Variants in GRB10 observed in about 807,000 individuals in gnomAD.
GRB10 encodes growth factor receptor-bound protein 10.
GRB10 carries 20 observed loss-of-function variants against 80.9 expected under a neutral mutation model. The ratio of observed to expected loss-of-function variants is 0.25; its 90% CI spans 0.17 to 0.36. GRB10 has a LOEUF of 0.36. Among genes scored for constraint, GRB10 ranks in the 10% least tolerant of loss-of-function variants. GRB10 has a pLI of 1.00. For synonymous variants in GRB10, 291 were observed against 291.5 expected (o/e 1.00, Z 0.02); for missense variants, 548 against 747.7 (o/e 0.73, Z 3.12).
intron 2 of GRB10, 102 bp from the exon 3 acceptor site, chr7:50,756,158 A>G (rs2075047324): frequency 2.5e-6 from 1 of 398,034 alleles, no homozygotes; most frequent in Non-Finnish European, 4.4e-6. Flanking sequence ...ACATGAAAGA[A>G]TATTTTTTTC....
intron 7 of GRB10, among the ~76,000 whole-genome samples, chr7:50,660,923 C>T (rs187472695): frequency 6.6e-6 from 1 of 152,330 alleles, no homozygotes; most frequent in East Asian, 1.9e-4. Flanking sequence ...GGGTAAACTG[C>T]AGTTAGGCTC....
intron 16 of GRB10, 70 bp downstream of exon 16, chr7:50,604,241 G>A: frequency 1.4e-6 from 2 of 1,384,752 alleles, no homozygotes; most frequent in Non-Finnish European, 2.1e-6. Flanking sequence ...GTAAGGCTGA[G>A]GGGGAGTGGA....
chr7:50,759,206 AAAAG>A (rs2075459468), intron 2 of GRB10, among the ~76,000 whole-genome samples: 1 of 151,674 alleles, frequency 6.6e-6, no homozygotes, highest in African/African-American at 2.4e-5. Flanking sequence ...AAAAAAAAAA[AAAAG>A]AAAAGAAATG....
At chr7:50,609,594 C>T (rs537001668) in intron 13 of GRB10, among the ~76,000 whole-genome samples, 1 of 152,292 alleles carries the variant, frequency 6.6e-6, no homozygotes, top group African/African-American at 2.4e-5. Flanking sequence ...GCGTTCATTG[C>T]CTTTTCAATG....
chr7:50,626,762 T>C lies in GRB10; in HGVS notation c.661+60A>G, dbSNP rs929799001. The C allele has an allele frequency of 1.6e-5, 26 of 1,592,050 alleles. No homozygotes were observed. In the South Asian group the frequency reaches 2.8e-4, roughly 17 times the overall value. ...CACATTTGGCATTTGGCAGCAGCAG[T>C]CTTCATTCAATTGCACATAAGCATC... On this transcript the variant is annotated intron_variant, in intron 8 of 18. Transcript: ENST00000401949.
intron 7 of GRB10, among the ~76,000 whole-genome samples, chr7:50,647,007 C>T (rs1476333592): frequency 6.6e-6 from 1 of 152,178 alleles, no homozygotes; most frequent in East Asian, 1.9e-4. Context: ...AAAAGTATCA[C>T]TAACTAAAAA....
intron 7 of GRB10, among the ~76,000 whole-genome samples, 150 bp downstream of exon 7, chr7:50,669,569 GACA>G (rs1419071921): frequency 6.6e-6 from 1 of 152,230 alleles, no homozygotes; most frequent in Non-Finnish European, 1.5e-5. Flanking sequence ...GGCCTCATAG[GACA>G]ACAAGTACTG....
intron 5 of GRB10, among the ~76,000 whole-genome samples, chr7:50,693,132 G>C (rs1272282389): frequency 6.6e-6 from 1 of 152,140 alleles, no homozygotes; most frequent in Non-Finnish European, 1.5e-5. Flanking sequence ...AGCATTGCTG[G>C]AAGAGACTAA....
intron 4 of GRB10, among the ~76,000 whole-genome samples, chr7:50,704,461 G>A (rs904461278): frequency 6.6e-6 from 1 of 152,090 alleles, no homozygotes; most frequent in African/African-American, 2.4e-5. Flanking sequence ...CACCTGCATG[G>A]GACCAGAAGC....
At chr7:50,717,980 A>T (rs977314127) in intron 4 of GRB10, among the ~76,000 whole-genome samples, 1 of 152,046 alleles carries the variant, frequency 6.6e-6, no homozygotes, top group Non-Finnish European at 1.5e-5. Context: ...CCAGGCAGAG[A>T]CTCCTCTGTC....
chr7:50,729,154 A>G (rs2069188996), intron 4 of GRB10: 1 of 152,184 alleles, frequency 6.6e-6, no homozygotes, highest in Admixed American at 6.5e-5. Context: ...TCTCCACCAA[A>G]AGCTGAGGCT....
At chr7:50,667,834 A>G (rs2059963885) in intron 7 of GRB10, among the ~76,000 whole-genome samples, 1 of 152,198 alleles carries the variant, frequency 6.6e-6, no homozygotes, top group African/African-American at 2.4e-5. Flanking sequence ...ACCAGCAGGC[A>G]AAATTCCCCG....
intron 8 of GRB10, among the ~76,000 whole-genome samples, chr7:50,620,335 T>A (rs1314182546): frequency 6.6e-6 from 1 of 152,166 alleles, no homozygotes; most frequent in Admixed American, 6.5e-5. Context: ...GCAGCCAGAC[T>A]GGAATCTTGA....
intron 5 of GRB10, 81 bp downstream of exon 5, chr7:50,703,740 A>G: frequency 1.0e-6 from 1 of 991,666 alleles, no homozygotes; most frequent in Non-Finnish European, 1.6e-6. Context: ...TAGTGTCAAG[A>G]GCAACATTTT....
At chr7:50,662,836 C>G (rs1279457162) in intron 7 of GRB10, among the ~76,000 whole-genome samples, 2 of 152,190 alleles carry the variant, frequency 1.3e-5, no homozygotes, top group Non-Finnish European at 2.9e-5. Flanking sequence ...CTAACATCAC[C>G]TGATTCATCT....
intron 3 of GRB10, among the ~76,000 whole-genome samples, chr7:50,741,644 A>G (rs942977590): frequency 6.6e-6 from 1 of 152,134 alleles, no homozygotes; most frequent in Non-Finnish European, 1.5e-5. Context: ...ATAAAGATAC[A>G]ATACAGTCCT....
chr7:50,753,696 T>G (rs535773889), intron 3 of GRB10, among the ~76,000 whole-genome samples: 1 of 152,298 alleles, frequency 6.6e-6, no homozygotes, highest in South Asian at 2.1e-4. Flanking sequence ...CTCTGTAAGC[T>G]GCCAGTGATC....
chr7:50,741,046 T>C (rs4947832), intron 3 of GRB10, among the ~76,000 whole-genome samples: 9,739 of 152,208 alleles, frequency 0.064, 708 homozygotes, highest in Admixed American at 0.18. Flanking sequence ...AACAGTATTA[T>C]CCTCCAAACA....
intron 5 of GRB10, among the ~76,000 whole-genome samples, chr7:50,686,417 A>C (rs1196896329): frequency 6.6e-6 from 1 of 152,198 alleles, no homozygotes; most frequent in African/African-American, 2.4e-5. Context: ...GCATTTTCTT[A>C]CAGCAACTCA....
Sources: allele counts gnomAD v4.1 joint callset (sites outside exome capture counted in the v4.1 genomes callset), GRCh38; gene constraint gnomAD v4.1.1; transcripts MANE v1.5; gene names NCBI Gene and HGNC (gene_info 2026-07-23, HGNC 2026-07-21).